VWC2L: variants seen among roughly 807,000 people sequenced by gnomAD.
VWC2L encodes the protein von Willebrand factor C domain-containing protein 2-like.
VWC2L carries 10 observed loss-of-function variants against 21.6 expected under a neutral mutation model. The ratio of observed to expected loss-of-function variants is 0.46; its 90% CI spans 0.29 to 0.78. The LOEUF is 0.78. VWC2L is among the 30% of genes least tolerant of loss of function. The pLI, the probability that VWC2L is intolerant of heterozygous loss-of-function variation, is 0.10. For missense variants in VWC2L, 209 were observed against 277.1 expected (o/e 0.75, Z 1.74); for synonymous variants, 96 against 94.3 (o/e 1.02, Z -0.10).
At chr2:214,439,939 A>G (rs1370722936) in intron 3 of VWC2L, among the ~76,000 whole-genome samples, 1 of 151,810 alleles carries the variant, frequency 6.6e-6, no homozygotes, top group Non-Finnish European at 1.5e-5. Flanking sequence ...AGGGTAATCT[A>G]CTCCCTAAAC....
At chr2:214,542,648 G>T (rs978495254) in intron 3 of VWC2L, among the ~76,000 whole-genome samples, 1 of 152,078 alleles carries the variant, frequency 6.6e-6, no homozygotes, top group Admixed American at 6.6e-5. Context: ...TGCAGGCAGC[G>T]GTCAAAACAA....
chr2:214,444,517 C>T (rs1032594625), intron 3 of VWC2L, among the ~76,000 whole-genome samples: 1 of 151,978 alleles, frequency 6.6e-6, no homozygotes, highest in Non-Finnish European at 1.5e-5. Flanking sequence ...AATGGAAATT[C>T]TATACAATTT....
chr2:214,435,787 C>G (rs1266135946), intron 2 of VWC2L, among the ~76,000 whole-genome samples: 1 of 152,080 alleles, frequency 6.6e-6, no homozygotes, highest in Non-Finnish European at 1.5e-5. Context: ...CTAGAACTTA[C>G]AAAGGATGAG....
At chr2:214,421,137 T>A (rs770316184) in intron 2 of VWC2L, among the ~76,000 whole-genome samples, 1 of 152,200 alleles carries the variant, frequency 6.6e-6, no homozygotes, top group Non-Finnish European at 1.5e-5. Context: ...CACTGCACAC[T>A]TTTTGCACCC....
rs544768274 is a variant in VWC2L at position 214,578,730 on chromosome 2, G to C, written c.*2910G>C. On this transcript the variant is annotated 3_prime_UTR_variant, in exon 4 of 4. Coordinates refer to ENST00000312504, the MANE Select transcript of VWC2L (RefSeq NM_001080500.4). ...GTACTCCTATTTCTCCTCCGCCTTTGGTTCTCGGCTTTAACAACAGCTATG... is the reference window on the plus strand; with the variant it reads ...GTACTCCTATTTCTCCTCCGCCTTTCGTTCTCGGCTTTAACAACAGCTATG... 1 of 152,036 alleles carries C rather than the reference G, an allele frequency of 6.6e-6. No homozygotes were observed. Among genetic ancestry groups the C allele is most frequent in the Non-Finnish European group, 1.5e-5 (1 of 68,006 alleles). The allele number at this position is 152,036 out of a possible 1,614,324, so 9.4% of individuals were successfully genotyped here.
chr2:214,548,834 C>A (rs988492259), intron 3 of VWC2L, among the ~76,000 whole-genome samples: 1 of 152,190 alleles, frequency 6.6e-6, no homozygotes, highest in Non-Finnish European at 1.5e-5. Context: ...TACATCTAGA[C>A]TGATCCTTCC....
chr2:214,443,024 A>T (rs1189151919), intron 3 of VWC2L, among the ~76,000 whole-genome samples: 1 of 152,200 alleles, frequency 6.6e-6, no homozygotes, highest in Admixed American at 6.6e-5. Flanking sequence ...GACTGAATAA[A>T]AATAATGAAG....
intron 3 of VWC2L, among the ~76,000 whole-genome samples, chr2:214,560,391 T>C (rs76193444): frequency 0.03 from 4,624 of 152,298 alleles, 97 homozygotes; most frequent in Admixed American, 0.074. Flanking sequence ...TGTCTGTCTG[T>C]AGTAATGTTC....
chr2:214,502,667 C>T (rs943925196), intron 3 of VWC2L, among the ~76,000 whole-genome samples: 6 of 152,174 alleles, frequency 3.9e-5, no homozygotes, highest in East Asian at 1.9e-4. Context: ...TTCATAATGA[C>T]GTAAAATTGT....
chr2:214,491,159 T>C (rs1302152875), intron 3 of VWC2L, among the ~76,000 whole-genome samples: 1 of 152,202 alleles, frequency 6.6e-6, no homozygotes, highest in African/African-American at 2.4e-5. Context: ...CACTTTAAAA[T>C]GGTGAATTTT....
chr2:214,499,501 G>A (rs907085910), intron 3 of VWC2L, among the ~76,000 whole-genome samples: 7 of 133,460 alleles, frequency 5.2e-5, no homozygotes, highest in South Asian at 2.8e-4. Flanking sequence ...GGAGCCTGTC[G>A]TGGGGTGGGG....
At chr2:214,531,046 T>C (rs1442757439) in intron 3 of VWC2L, among the ~76,000 whole-genome samples, 1 of 152,220 alleles carries the variant, frequency 6.6e-6, no homozygotes, top group Non-Finnish European at 1.5e-5. Context: ...TATTTCCATC[T>C]TCATCCTTAA....
intron 3 of VWC2L, among the ~76,000 whole-genome samples, chr2:214,503,407 A>G (rs1688923485): frequency 1.3e-5 from 2 of 152,276 alleles, no homozygotes; most frequent in South Asian, 4.1e-4. Context: ...ATGTAATATT[A>G]ATATATTCAT....
At chr2:214,495,295 T>C (rs1688796664) in intron 3 of VWC2L, among the ~76,000 whole-genome samples, 1 of 152,110 alleles carries the variant, frequency 6.6e-6, no homozygotes, top group African/African-American at 2.4e-5. Flanking sequence ...CTACCATTTT[T>C]TGTTGCTGAG....
At chr2:214,429,237 A>C (rs755789258) in intron 2 of VWC2L, among the ~76,000 whole-genome samples, 14 of 152,186 alleles carry the variant, frequency 9.2e-5, no homozygotes, top group Non-Finnish European at 2.1e-4. Context: ...CGGGCGATAA[A>C]TGTAGCACCT....
chr2:214,530,320 T>C (rs1214778062), intron 3 of VWC2L, among the ~76,000 whole-genome samples: 1 of 152,078 alleles, frequency 6.6e-6, no homozygotes, highest in Non-Finnish European at 1.5e-5. Flanking sequence ...GAGAGAAAAG[T>C]TAATGCTAGA....
intron 3 of VWC2L, among the ~76,000 whole-genome samples, chr2:214,476,472 G>A (rs1030163167): frequency 6.6e-6 from 1 of 152,150 alleles, no homozygotes; most frequent in Non-Finnish European, 1.5e-5. Flanking sequence ...GACAATGATT[G>A]TGGGGGTTGG....
At chr2:214,517,808 G>T (rs1173586506) in intron 3 of VWC2L, among the ~76,000 whole-genome samples, 8 of 152,314 alleles carry the variant, frequency 5.3e-5, no homozygotes, top group Non-Finnish European at 7.4e-5. Flanking sequence ...CTACTTAAGA[G>T]ACTGGGAGAA....
intron 2 of VWC2L, among the ~76,000 whole-genome samples, chr2:214,416,508 A>G (rs1219566754): frequency 2.0e-5 from 3 of 152,076 alleles, no homozygotes; most frequent in Non-Finnish European, 4.4e-5. Context: ...TTAGAGTCAT[A>G]AAGAGTTTTA....
Sources: allele counts gnomAD v4.1 joint callset (sites outside exome capture counted in the v4.1 genomes callset), GRCh38; gene constraint gnomAD v4.1.1; transcripts MANE v1.5; gene names NCBI Gene and HGNC (gene_info 2026-07-23, HGNC 2026-07-21).